Variants in ASTN2 observed in about 807,000 individuals in gnomAD.
ASTN2 encodes the protein astrotactin-2.
Under a neutral mutation model 139.8 loss-of-function variants are expected in ASTN2, and 54 were observed. The observed-to-expected ratio is 0.39, with a 90% CI of 0.31 to 0.48. The LOEUF is 0.48. ASTN2 is among the 20% of genes least tolerant of loss of function. ASTN2 has a pLI of 0.95. For missense variants in ASTN2, 1,565 were observed against 1,725.1 expected, an observed-to-expected ratio of 0.91 and a Z score of 1.64; for synonymous variants, 756 against 719.5, an observed-to-expected ratio of 1.05 and a Z score of -0.81.
At chr9:117,176,996 G>T (rs1441521320) in intron 3 of ASTN2, among the ~76,000 whole-genome samples, 1 of 152,190 alleles carries the variant, frequency 6.6e-6, no homozygotes, top group Non-Finnish European at 1.5e-5. Context: ...TAGACTCTGA[G>T]CATTCTAGCA....
intron 16 of ASTN2, chr9:116,686,900 C>A: frequency 6.6e-7 from 1 of 1,519,832 alleles, no homozygotes; most frequent in Admixed American, 2.0e-5. Context: ...TCGACTTCCC[C>A]AGAATGGAAG....
chr9:116,817,195 G>A (rs1831355666), intron 12 of ASTN2, among the ~76,000 whole-genome samples: 1 of 151,928 alleles, frequency 6.6e-6, no homozygotes, highest in Admixed American at 6.6e-5. Flanking sequence ...TAGGGAGGCT[G>A]AGGCAGGATA....
rs1830921951 is a variant in ASTN2, at chr9:117,176,534, A to G, written c.1016-35056T>C. ...ATGATAAAAGTAATTTGTAACTAAA[A>G]ATAAAGTACATTTTAGGAGTATTTT... is the stretch of plus-strand genomic sequence containing the variant. On this transcript the variant is annotated intron_variant, in intron 3 of 22. Coordinates refer to ENST00000313400, the MANE Select transcript of ASTN2 (RefSeq NM_001365068.1). 3.9e-5 allele frequency among the ~76,000 whole-genome samples: 6 copies of G among 152,350 alleles called. No homozygotes were observed. The South Asian group carries it at 1.2e-3, about 32-fold the overall frequency.
At chr9:116,483,416 G>A (rs1168014685) in intron 20 of ASTN2, among the ~76,000 whole-genome samples, 3 of 152,104 alleles carry the variant, frequency 2.0e-5, no homozygotes, top group Admixed American at 6.5e-5. Context: ...AGGGGCTACA[G>A]AAAAAATTTG....
chr9:117,327,733 C>G (rs906998728), intron 1 of ASTN2, among the ~76,000 whole-genome samples: 1 of 152,124 alleles, frequency 6.6e-6, no homozygotes, highest in Non-Finnish European at 1.5e-5. Flanking sequence ...CTCCCTTATC[C>G]TCCCTCCTTC....
intron 4 of ASTN2, among the ~76,000 whole-genome samples, chr9:117,098,834 A>C (rs1003331021): frequency 2.0e-5 from 3 of 151,922 alleles, no homozygotes; most frequent in African/African-American, 7.3e-5. Flanking sequence ...AGGGCTGGGC[A>C]TGATGGCTCA....
intron 5 of ASTN2, among the ~76,000 whole-genome samples, chr9:117,080,555 G>T (rs1213893088): frequency 6.6e-6 from 1 of 151,838 alleles, no homozygotes; most frequent in Non-Finnish European, 1.5e-5. Context: ...GAGTGTGCAG[G>T]AAATGGGGAT....
At chr9:117,025,798 CTT>C (rs111710831) in intron 6 of ASTN2, among the ~76,000 whole-genome samples, 9 of 144,454 alleles carry the variant, frequency 6.2e-5, no homozygotes, top group South Asian at 2.2e-4. Context: ...CTTTTCTTTT[CTT>C]TTTTTTTTTT....
At chr9:117,046,767 T>C (rs1269750276) in intron 5 of ASTN2, among the ~76,000 whole-genome samples, 1 of 152,228 alleles carries the variant, frequency 6.6e-6, no homozygotes, top group Non-Finnish European at 1.5e-5. Context: ...TCATATTTTA[T>C]GCTCTCCTAT....
At chr9:117,199,566 T>A (rs1831632439) in intron 3 of ASTN2, among the ~76,000 whole-genome samples, 1 of 152,196 alleles carries the variant, frequency 6.6e-6, no homozygotes, top group African/African-American at 2.4e-5. Flanking sequence ...TTGTAATGTC[T>A]CCAGCTTTGT....
intron 20 of ASTN2, among the ~76,000 whole-genome samples, chr9:116,478,771 GA>G (rs1849073366): frequency 6.6e-6 from 1 of 151,968 alleles, no homozygotes; most frequent in African/African-American, 2.4e-5. Context: ...AAGACAGGTG[GA>G]TCACGAGGTC....
At chr9:117,194,525 G>A (rs181381999) in intron 3 of ASTN2, among the ~76,000 whole-genome samples, 25 of 152,280 alleles carry the variant, frequency 1.6e-4, no homozygotes, top group African/African-American at 5.5e-4. Flanking sequence ...AGAGATGTGC[G>A]CACACACATT....
chr9:116,837,665 G>C (rs1001773555), intron 11 of ASTN2, among the ~76,000 whole-genome samples: 1 of 147,238 alleles, frequency 6.8e-6, no homozygotes, highest in African/African-American at 2.5e-5. Flanking sequence ...CCACCCCCAG[G>C]TCTAGAAGGT....
chr9:116,539,309 A>G (rs1416530152), intron 19 of ASTN2, among the ~76,000 whole-genome samples: 3 of 152,022 alleles, frequency 2.0e-5, no homozygotes, highest in Non-Finnish European at 4.4e-5. Context: ...ATCAAATTGT[A>G]CACTTTCAAT....
At chr9:117,001,800 G>T (rs928201013) in intron 7 of ASTN2, among the ~76,000 whole-genome samples, 2 of 152,050 alleles carry the variant, frequency 1.3e-5, no homozygotes, top group African/African-American at 4.8e-5. Context: ...TTAATGCATT[G>T]CTCTTGATTT....
chr9:117,292,661 G>A (rs1465477195), intron 1 of ASTN2, among the ~76,000 whole-genome samples: 1 of 152,000 alleles, frequency 6.6e-6, no homozygotes, highest in Admixed American at 6.6e-5. Flanking sequence ...TGACCTTGAG[G>A]CAGTATTCCT....
At chr9:117,113,621 G>A (rs531450294) in intron 4 of ASTN2, among the ~76,000 whole-genome samples, 30 of 152,008 alleles carry the variant, frequency 2.0e-4, no homozygotes, top group South Asian at 6.2e-4. Flanking sequence ...GCACCATTGC[G>A]CTCCAGCCTG....
chr9:117,332,448 A>G (rs1284392168), intron 1 of ASTN2, among the ~76,000 whole-genome samples: 1 of 152,158 alleles, frequency 6.6e-6, no homozygotes, highest in Non-Finnish European at 1.5e-5. Flanking sequence ...GCACACGTGT[A>G]GTCCGAGCTA....
At chr9:116,462,463 G>A (rs1257215989) in intron 20 of ASTN2, among the ~76,000 whole-genome samples, 5 of 152,164 alleles carry the variant, frequency 3.3e-5, no homozygotes, top group African/African-American at 4.8e-5. Context: ...TCCATGCCAT[G>A]CAATAATAAT....
Sources: gnomAD v4.1 joint callset for allele counts (sites outside exome capture counted in the v4.1 genomes callset) on GRCh38, gnomAD v4.1.1 for gene constraint, MANE v1.5 for transcripts, NCBI Gene and HGNC (gene_info 2026-07-23, HGNC 2026-07-21) for gene names.